Variants in CFAP77 observed in about 807,000 individuals in gnomAD.
The protein encoded by CFAP77 is cilia- and flagella-associated protein 77.
In CFAP77, 25 loss-of-function variants were observed where a neutral mutation model predicts 31.1. The ratio of observed to expected loss-of-function variants is 0.80; its 90% CI spans 0.59 to 1.12. CFAP77 has a LOEUF of 1.12. Ranked by LOEUF, CFAP77 falls within the 50% of genes most tolerant of loss-of-function variation. The pLI is 0.00. For synonymous variants in CFAP77, 151 were observed against 159.9 expected (o/e 0.94, Z 0.42); for missense variants, 377 against 397.3 (o/e 0.95, Z 0.44).
Position 132,498,568 on chromosome 9 carries a change from C to A in CFAP77, c.196-127C>A. The stretch of plus-strand genomic sequence containing the variant: ...GAGGGCTCTGCCACCCACTCCTGTG[C>A]CACCCTGAAGGCCACGGCAGGGCCT... On this transcript the variant is annotated intron_variant, in intron 1 of 5. Transcript: ENST00000393216. This position sits in a 1 kb window ranked among gnomAD's most constrained non-coding sequence, Gnocchi z 4.2. The A allele has an allele frequency of 1.4e-6, 1 of 704,290 alleles. No homozygotes were observed. Among genetic ancestry groups the A allele is most frequent in the Non-Finnish European group, 2.5e-6 (1 of 407,988 alleles). 43.6% of individuals were successfully genotyped at this position (704,290 alleles called of 1,614,324 possible).
intron 1 of CFAP77, among the ~76,000 whole-genome samples, chr9:132,437,596 G>T (rs556876372): frequency 7.3e-6 from 1 of 137,020 alleles, no homozygotes; most frequent in East Asian, 2.2e-4. Context: ...TGCAAACTCC[G>T]CCTCCCGGGT....
chr9:132,444,925 C>T (rs950750475), intron 1 of CFAP77, among the ~76,000 whole-genome samples: 9 of 151,788 alleles, frequency 5.9e-5, no homozygotes, highest in African/African-American at 2.2e-4. Context: ...AACAACTCCT[C>T]ATTCCCCCTC....
At chr9:132,439,501 A>G (rs968218537) in intron 1 of CFAP77, among the ~76,000 whole-genome samples, 3 of 152,066 alleles carry the variant, frequency 2.0e-5, no homozygotes, top group Non-Finnish European at 4.4e-5. Flanking sequence ...TTCCTGATTC[A>G]TCTTCAGATA....
At chr9:132,475,532 G>T (rs1851335687) in intron 1 of CFAP77, among the ~76,000 whole-genome samples, 3 of 152,196 alleles carry the variant, frequency 2.0e-5, no homozygotes, top group Non-Finnish European at 2.9e-5. Context: ...GTTTTTGCCA[G>T]TCTTGAATGC....
chr9:132,469,745 G>A (rs1023298864), intron 1 of CFAP77, among the ~76,000 whole-genome samples: 4 of 152,020 alleles, frequency 2.6e-5, no homozygotes, highest in South Asian at 2.1e-4. Flanking sequence ...CCACCCCGGC[G>A]GTGACATCTT....
rs72767829 is a variant in CFAP77 at position 132,554,171 on chromosome 9, T to G, written c.732+11124T>G. Among the ~76,000 whole-genome samples the G allele has an allele frequency of 0.043, 6,573 of 152,194 alleles. 195 individuals are homozygous for G. The highest frequency in any genetic ancestry group is 0.068 in the Non-Finnish European group (4,646 of 68,004). On this transcript the variant is annotated intron_variant, in intron 5 of 5. Transcript: ENST00000393216. The surrounding 1 kb of genome is among the most constrained non-coding windows in gnomAD (Gnocchi z 4.1). ...ACTCAAAGCCCTATGTCCCTAATCA[T>G]CGAGTGCACTGTCATGCCTTCTGTT... is the stretch of plus-strand genomic sequence containing the variant.
chr9:132,500,678 C>T (rs77366055), intron 3 of CFAP77, among the ~76,000 whole-genome samples: 3,246 of 152,274 alleles, frequency 0.021, 104 homozygotes, highest in African/African-American at 0.075. Context: ...TGAGAAATAG[C>T]AGTTCTATTC....
At chr9:132,533,039 G>A (rs1165345802) in intron 3 of CFAP77, among the ~76,000 whole-genome samples, 2 of 152,220 alleles carry the variant, frequency 1.3e-5, no homozygotes, top group African/African-American at 2.4e-5. Context: ...GCACCTTCAT[G>A]GGACTTTGGG....
chr9:132,467,446 C>T lies in CFAP77; in HGVS notation c.196-31249C>T, dbSNP rs888135018. Among the ~76,000 whole-genome samples, 3 of 152,152 alleles carry T rather than the reference C, an allele frequency of 2.0e-5. 1 individual carries two copies. The highest frequency in any genetic ancestry group is 4.1e-4 in the South Asian group (2 of 4,830). On this transcript the variant is annotated intron_variant, in intron 1 of 5. Transcript: ENST00000393216. ...GGTACTTCATATAAGTGGAATCATACTTTGTCCTTTTGTGACTGGCTTCTT... is the reference window on the plus strand; with the variant it reads ...GGTACTTCATATAAGTGGAATCATATTTTGTCCTTTTGTGACTGGCTTCTT...
rs77811755 is a variant in CFAP77 at position 132,452,765 on chromosome 9, T to G, written c.195+42299T>G. ...TCTGTTGCTGAGATGGGGTGCCTCA[T>G]GCAGCAGGGGTGCTCTGTCCCAGAA... On this transcript the variant is annotated intron_variant, in intron 1 of 5. Transcript: ENST00000393216. Among the ~76,000 whole-genome samples, 430 of 152,224 alleles carry G rather than the reference T, an allele frequency of 2.8e-3. 2 individuals carry two copies. The highest frequency in any genetic ancestry group is 9.3e-3 in the African/African-American group (385 of 41,540).
chr9:132,457,282 G>C (rs1850934650), intron 1 of CFAP77, among the ~76,000 whole-genome samples: 1 of 141,726 alleles, frequency 7.1e-6, no homozygotes, highest in Non-Finnish European at 1.5e-5. Context: ...ACTGACAGGC[G>C]GCCGCATCTT....
At position 132,489,992 on chromosome 9, in the gene CFAP77, G is replaced by A. The variant is rs573152377; in HGVS notation, c.196-8703G>A. Among the ~76,000 whole-genome samples, 87 of 152,292 alleles carry A rather than the reference G, an allele frequency of 5.7e-4. 4 individuals are homozygous for A. In the South Asian group the frequency reaches 0.017, roughly 30 times the overall value. ...TAGAAATTTGTTTCTCAGCGTTCTAGGGGCTGGGAGTTCCAGATCAATGCG... is the reference window on the plus strand; with the variant it reads ...TAGAAATTTGTTTCTCAGCGTTCTAAGGGCTGGGAGTTCCAGATCAATGCG... On this transcript the variant is annotated intron_variant, in intron 1 of 5. Coordinates refer to ENST00000393216, the MANE Select transcript of CFAP77 (RefSeq NM_001282957.2).
At position 132,499,385 on chromosome 9, in the gene CFAP77, G is replaced by A. The variant is rs749569667; in HGVS notation, c.309G>A (p.Trp103Ter). The A allele has an allele frequency of 1.2e-6, 2 of 1,614,114 alleles. No homozygotes were observed. The highest frequency in any genetic ancestry group is 4.5e-5 in the East Asian group (2 of 44,878). The change falls in exon 3 of 6, where the codon TGG (tryptophan) becomes TGA (stop). Residue 103 changes from tryptophan to a stop codon, truncating the protein, a stop_gained. Transcript: ENST00000393216. LOFTEE classifies it high-confidence loss of function. The surrounding 1 kb of genome is among the most constrained non-coding windows in gnomAD (Gnocchi z 5.4). ...DGGVPEAIGRWNVFKQQPTCP... is the reference protein window; with the variant it reads ...DGGVPEAIGR ...CCCTGCCCTCAGCCATCGGACGCTG[G>A]AACGTGTTCAAGCAGCAGCCCACCT...
chr9:132,548,680 G>T (rs932513147), intron 5 of CFAP77, among the ~76,000 whole-genome samples: 3 of 149,592 alleles, frequency 2.0e-5, no homozygotes, highest in African/African-American at 7.3e-5. Flanking sequence ...GTTGGCTGGC[G>T]GGGGGGTCTC....
intron 1 of CFAP77, among the ~76,000 whole-genome samples, chr9:132,471,960 C>G (rs552535881): frequency 5.3e-5 from 8 of 152,340 alleles, no homozygotes; most frequent in Admixed American, 1.3e-4. Flanking sequence ...AATCTGCCTG[C>G]CTTGGGCTCC....
At chr9:132,461,195 C>T (rs1023520935) in intron 1 of CFAP77, among the ~76,000 whole-genome samples, 3 of 152,238 alleles carry the variant, frequency 2.0e-5, no homozygotes, top group Non-Finnish European at 2.9e-5. Flanking sequence ...CAACTCACCT[C>T]CAGTCTTTGG....
At chr9:132,462,726 G>A (rs572739082) in intron 1 of CFAP77, among the ~76,000 whole-genome samples, 25 of 152,226 alleles carry the variant, frequency 1.6e-4, no homozygotes, top group African/African-American at 5.3e-4. Flanking sequence ...TGAGGCAAGA[G>A]AATTGCTTGA....
At chr9:132,508,487 C>T (rs1851976092) in intron 3 of CFAP77, among the ~76,000 whole-genome samples, 1 of 152,116 alleles carries the variant, frequency 6.6e-6, no homozygotes, top group Non-Finnish European at 1.5e-5. Flanking sequence ...GTACAAAGAA[C>T]AGGAGAAGAG....
At chr9:132,410,540 G>T (rs998470994) in intron 1 of CFAP77, 74 bp downstream of exon 1, 75 of 1,315,346 alleles carry the variant, frequency 5.7e-5, no homozygotes, top group Non-Finnish European at 1.4e-5. Flanking sequence ...GTCCCCACCC[G>T]CAGCGCCCTG....
Sources: allele counts gnomAD v4.1 joint callset (sites outside exome capture counted in the v4.1 genomes callset), GRCh38; gene constraint gnomAD v4.1.1; non-coding constraint Gnocchi (gnomAD v3.1); transcripts MANE v1.5; gene names NCBI Gene and HGNC (gene_info 2026-07-23, HGNC 2026-07-21).